POGZ: variants seen among roughly 807,000 people sequenced by gnomAD.
POGZ encodes the protein pogo transposable element with ZNF domain.
Under a neutral mutation model 134.6 loss-of-function variants are expected in POGZ, and 17 were observed. The ratio of observed to expected loss-of-function variants is 0.13; its 90% CI spans 0.09 to 0.19. The LOEUF (loss-of-function observed/expected upper bound fraction) is 0.19. Among genes scored for constraint, POGZ ranks in the 10% least tolerant of loss-of-function variants. POGZ has a pLI of 1.00. For missense variants in POGZ, 1,306 were observed against 1,769.7 expected, an observed-to-expected ratio of 0.74 and a Z score of 4.70; for synonymous variants, 693 against 657.1, an observed-to-expected ratio of 1.05 and a Z score of -0.84.
chr1:151,408,286 C>T (rs1304993798), intron 14 of POGZ, 46 bp from the exon 15 acceptor site: 4 of 1,597,330 alleles, frequency 2.5e-6, no homozygotes, highest in Non-Finnish European at 3.4e-6. Flanking sequence ...CCTCATGGGT[C>T]CCCAAAATGT....
At chr1:151,446,628 C>T (rs139890513) in intron 1 of POGZ, among the ~76,000 whole-genome samples, 58 of 151,782 alleles carry the variant, frequency 3.8e-4, no homozygotes, top group African/African-American at 1.3e-3. Context: ...TGGTGGCACA[C>T]GCCTGTAATC....
chr1:151,418,889 G>A (rs1656282163), intron 10 of POGZ, among the ~76,000 whole-genome samples: 1 of 151,452 alleles, frequency 6.6e-6, no homozygotes, highest in Non-Finnish European at 1.5e-5. Context: ...GCCGGGCATG[G>A]TGGTGGGCGC....
intron 1 of POGZ, among the ~76,000 whole-genome samples, chr1:151,445,353 C>T (rs1471268540): frequency 6.6e-6 from 1 of 151,720 alleles, no homozygotes; most frequent in Non-Finnish European, 1.5e-5. Flanking sequence ...GAAACCCCAC[C>T]TCTACTAAAA....
At chr1:151,451,657 T>C (rs577526350) in intron 1 of POGZ, among the ~76,000 whole-genome samples, 31 of 151,946 alleles carry the variant, frequency 2.0e-4, no homozygotes, top group African/African-American at 7.5e-4. Context: ...ACTTTGCGTT[T>C]ACAAGAAATA....
Position 151,404,765 on chromosome 1 carries a change from C to T in POGZ, c.*37G>A. ...GCCCCTTTACCCTCCCTCACATGTT[C>T]CCACCCTCACTCCACACCCCCTCAT... On this transcript the variant is annotated 3_prime_UTR_variant, in exon 19 of 19. Transcript: ENST00000271715. 6.5e-7 allele frequency: 1 copy of T among 1,537,402 alleles called. No individual in the cohort carries two copies. The highest frequency in any genetic ancestry group is 8.8e-7 in the Non-Finnish European group (1 of 1,139,498).
chr1:151,450,110 C>CA (rs1661862789), intron 1 of POGZ, among the ~76,000 whole-genome samples: 1 of 139,284 alleles, frequency 7.2e-6, no homozygotes. Context: ...CGGCTCACTG[C>CA]AACCTCCGCC....
In POGZ at chr1:151,428,228, T is replaced by G; in HGVS notation, c.754A>C (p.Thr252Pro). ...PQSQSQQTKS[T>P]PSTSTTPTAT... Reference sequence around the variant, plus strand: ...GTGGGAGTGGTAGAAGTGCTGGGAGTGGACTTGGTCTGCTGGGACTGGGAC... The same window carrying G: ...GTGGGAGTGGTAGAAGTGCTGGGAGGGGACTTGGTCTGCTGGGACTGGGAC... Residue 252 changes from threonine to proline, a missense_variant, in exon 6 of 19, where the codon ACT becomes CCT. Physicochemically the swap from Thr to Pro is conservative, Grantham distance 38. Coordinates refer to ENST00000271715, the MANE Select transcript of POGZ (RefSeq NM_015100.4). The G allele has an allele frequency of 6.2e-7, 1 of 1,613,570 alleles. No homozygotes were observed. The highest frequency in any genetic ancestry group is 8.5e-7 in the Non-Finnish European group (1 of 1,179,788).
chr1:151,415,629 C>G (rs1170763006), intron 10 of POGZ, among the ~76,000 whole-genome samples: 1 of 148,706 alleles, frequency 6.7e-6, no homozygotes, highest in Non-Finnish European at 1.5e-5. Context: ...CGAGATCGCA[C>G]CACTGCACTC....
intron 3 of POGZ, 65 bp from the exon 4 acceptor site, chr1:151,430,906 TTATTTTATTTTA>T (rs1413123032): frequency 1.0e-3 from 21 of 20,564 alleles, no homozygotes; most frequent in Non-Finnish European, 7.8e-3. Flanking sequence ...ACATTTTACT[TTATTTTATTTTA>T]TTTTATTTTA....
In POGZ at chr1:151,403,866, G is replaced by A; in HGVS notation, c.*936C>T. 1.0e-6 allele frequency: 1 copy of A among 985,444 alleles called. No individual in the cohort carries two copies. Among genetic ancestry groups the A allele is most frequent in the Non-Finnish European group, 1.2e-6 (1 of 829,940 alleles). The allele number at this position is 985,444 out of a possible 1,614,324, so 61.0% of individuals were successfully genotyped here. A position where few individuals can be genotyped will look rare whatever the true frequency, so the allele number is the denominator to read the frequency against. ...TTCAGTAAAGCAGGGACTGCCCCTG[G>A]GGGCTTACAGGATGAAGACTCAAAC... On this transcript the variant is annotated 3_prime_UTR_variant, in exon 19 of 19. Transcript: ENST00000271715.
intron 18 of POGZ, 22 bp downstream of exon 18, chr1:151,406,585 T>C (rs1163248033): frequency 6.2e-7 from 1 of 1,607,758 alleles, no homozygotes; most frequent in African/African-American, 1.3e-5. Context: ...AGAAATTAAA[T>C]TGTGAGGTGA....
At position 151,404,319 on chromosome 1, in the gene POGZ, T is replaced by C. The variant is rs1245822905; in HGVS notation, c.*483A>G. 1 of 985,254 alleles carries C rather than the reference T, an allele frequency of 1.0e-6. No homozygotes were observed. The allele number at this position is 985,254 out of a possible 1,614,324, so 61.0% of individuals were successfully genotyped here. A position where few individuals can be genotyped will look rare whatever the true frequency, so the allele number is the denominator to read the frequency against. Reference sequence around the variant, plus strand: ...CAGTTTGTGAGCTACATAATTTGTCTTTCCCATCTTCAGAAATGTTCTCAC... The same window carrying C: ...CAGTTTGTGAGCTACATAATTTGTCCTTCCCATCTTCAGAAATGTTCTCAC... On this transcript the variant is annotated 3_prime_UTR_variant, in exon 19 of 19. Coordinates refer to ENST00000271715, the MANE Select transcript of POGZ (RefSeq NM_015100.4).
intron 15 of POGZ, 151 bp downstream of exon 15, chr1:151,407,949 T>G (rs1046991205): frequency 3.5e-6 from 2 of 563,834 alleles, no homozygotes; most frequent in Non-Finnish European, 3.0e-6. Flanking sequence ...GAGGCAGAGG[T>G]TGCAGTGAGC....
In POGZ at chr1:151,406,187, G is replaced by T. The variant is rs752633139; in HGVS notation, c.2848C>A (p.Pro950Thr). Reference sequence around the variant, plus strand: ...GCTAGCTCAGGTTCTTGGGTGACTGGGCTCCCTTCATCCTGATCATCAACA... The same window carrying T: ...GCTAGCTCAGGTTCTTGGGTGACTGTGCTCCCTTCATCCTGATCATCAACA... ...LNVDDQDEGS[P>T]VTQEPELASG... Residue 950 changes from proline to threonine, a missense_variant, in exon 19 of 19, where the codon CCA (proline) becomes ACA (threonine). Physicochemically the swap from Pro to Thr is conservative, Grantham distance 38. Transcript: ENST00000271715. 1 of 1,614,094 alleles carries T rather than the reference G, an allele frequency of 6.2e-7. No individual in the cohort carries two copies. Among genetic ancestry groups the T allele is most frequent in the Non-Finnish European group, 8.5e-7 (1 of 1,179,992 alleles).
chr1:151,432,960 T>C (rs994518081), intron 3 of POGZ, among the ~76,000 whole-genome samples: 7 of 152,230 alleles, frequency 4.6e-5, no homozygotes, highest in Non-Finnish European at 1.0e-4. Context: ...TCCCCAACCA[T>C]CTCTTTCTAT....
At chr1:151,442,293 T>C (rs1176296189) in intron 1 of POGZ, 88 bp from the exon 2 acceptor site, 5 of 1,179,794 alleles carry the variant, frequency 4.2e-6, no homozygotes, top group East Asian at 4.9e-5. Flanking sequence ...TTTGACTCCA[T>C]TGGTAACCTA....
intron 10 of POGZ, among the ~76,000 whole-genome samples, chr1:151,420,949 C>CCT (rs982175699): frequency 2.0e-5 from 3 of 148,440 alleles, no homozygotes; most frequent in African/African-American, 7.4e-5. Flanking sequence ...ATACATGAAA[C>CCT]CTCAGATAGT....
intron 1 of POGZ, among the ~76,000 whole-genome samples, chr1:151,442,901 C>T (rs537204218): frequency 9.9e-5 from 15 of 151,690 alleles, no homozygotes; most frequent in African/African-American, 3.1e-4. Flanking sequence ...CGCTGGCAGG[C>T]GCCTGTAATC....
At chr1:151,440,254 G>C (rs952854419) in intron 3 of POGZ, among the ~76,000 whole-genome samples, 6 of 149,812 alleles carry the variant, frequency 4.0e-5, no homozygotes. Flanking sequence ...AGCTGTTTTA[G>C]TTTTAAAGGA....
Sources: gnomAD v4.1 joint callset for allele counts (sites outside exome capture counted in the v4.1 genomes callset) on GRCh38, gnomAD v4.1.1 for gene constraint, MANE v1.5 for transcripts, NCBI Gene and HGNC (gene_info 2026-07-23, HGNC 2026-07-21) for gene names.